NOL4: variants seen among roughly 807,000 people sequenced by gnomAD.
NOL4 encodes cancer/testis antigen 125.
A neutral mutation model predicts 75.9 loss-of-function variants in NOL4; 17 were observed. The ratio of observed to expected loss-of-function variants is 0.22; its 90% CI spans 0.15 to 0.34. The LOEUF is 0.34. Among genes scored for constraint, NOL4 ranks in the 10% least tolerant of loss-of-function variants. The pLI is 1.00. For synonymous variants in NOL4, 292 were observed against 289.9 expected, an observed-to-expected ratio of 1.01 and a Z score of -0.07; for missense variants, 614 against 793.5, an observed-to-expected ratio of 0.77 and a Z score of 2.72.
At chr18:34,161,337 G>A (rs1165803499) in intron 1 of NOL4, among the ~76,000 whole-genome samples, 1 of 151,998 alleles carries the variant, frequency 6.6e-6, no homozygotes, top group Non-Finnish European at 1.5e-5. Context: ...CCCAGTAGTG[G>A]GATTGCCATT....
At chr18:34,221,810 A>G (rs1488237127) in intron 1 of NOL4, among the ~76,000 whole-genome samples, 1 of 152,172 alleles carries the variant, frequency 6.6e-6, no homozygotes, top group African/African-American at 2.4e-5. Flanking sequence ...TCATGCACAT[A>G]TTTTCAATTC....
intron 10 of NOL4, among the ~76,000 whole-genome samples, chr18:33,859,027 T>C (rs1045313552): frequency 2.0e-5 from 3 of 152,060 alleles, no homozygotes; most frequent in Non-Finnish European, 2.9e-5. Flanking sequence ...TCTTTATTCA[T>C]CTTGTCATAT....
intron 10 of NOL4, among the ~76,000 whole-genome samples, chr18:33,859,331 T>C (rs532321729): frequency 6.6e-6 from 1 of 152,212 alleles, no homozygotes; most frequent in Non-Finnish European, 1.5e-5. Flanking sequence ...TATTTGGATG[T>C]TTCCATTTGC....
intron 1 of NOL4, among the ~76,000 whole-genome samples, chr18:34,176,615 T>C (rs1056240057): frequency 2.6e-5 from 4 of 152,044 alleles, no homozygotes; most frequent in African/African-American, 9.7e-5. Context: ...ATCATAAGAA[T>C]GGGCTCTCAT....
intron 9 of NOL4, among the ~76,000 whole-genome samples, chr18:33,901,620 AT>A (rs2065753927): frequency 6.6e-6 from 1 of 152,112 alleles, no homozygotes; most frequent in Non-Finnish European, 1.5e-5. Flanking sequence ...GTTTATAAAA[AT>A]TTTGGAGTGT....
chr18:33,879,506 C>A (rs191155249), intron 10 of NOL4, among the ~76,000 whole-genome samples: 1 of 151,752 alleles, frequency 6.6e-6, no homozygotes, highest in Non-Finnish European at 1.5e-5. Flanking sequence ...AACTTTGTCT[C>A]TGCTAAAAAT....
intron 4 of NOL4, among the ~76,000 whole-genome samples, chr18:34,095,356 G>A (rs2078728399): frequency 1.3e-5 from 2 of 150,718 alleles, no homozygotes; most frequent in South Asian, 4.2e-4. Context: ...TACTAGTGTT[G>A]ATCATATACA....
At chr18:34,180,542 C>T (rs753691905) in intron 1 of NOL4, among the ~76,000 whole-genome samples, 1 of 151,398 alleles carries the variant, frequency 6.6e-6, no homozygotes, top group Non-Finnish European at 1.5e-5. Context: ...AATATCCCCC[C>T]AAGATCAGGA....
chr18:34,129,756 A>C, intron 2 of NOL4, 115 bp downstream of exon 2: 2 of 940,912 alleles, frequency 2.1e-6, no homozygotes, highest in Non-Finnish European at 3.0e-6. Context: ...TGACCATCAT[A>C]TGGCCTAATT....
chr18:34,134,625 C>A (rs1056238354), intron 1 of NOL4, among the ~76,000 whole-genome samples: 12 of 151,798 alleles, frequency 7.9e-5, no homozygotes, highest in Non-Finnish European at 1.2e-4. Flanking sequence ...AAGACTTGAA[C>A]AATACTTAAA....
intron 5 of NOL4, among the ~76,000 whole-genome samples, chr18:34,091,090 C>G (rs1466879642): frequency 6.6e-6 from 1 of 151,728 alleles, no homozygotes; most frequent in Non-Finnish European, 1.5e-5. Context: ...TGACTCATGC[C>G]TGTAATCCCA....
At chr18:33,984,792 A>G (rs2146028877) in intron 6 of NOL4, among the ~76,000 whole-genome samples, 1 of 152,214 alleles carries the variant, frequency 6.6e-6, no homozygotes, top group East Asian at 1.9e-4. Flanking sequence ...AGACTAATAC[A>G]CTGGTCAATT....
intron 6 of NOL4, among the ~76,000 whole-genome samples, chr18:33,995,950 T>C (rs1007264778): frequency 6.6e-6 from 1 of 151,842 alleles, no homozygotes; most frequent in Non-Finnish European, 1.5e-5. Context: ...GAGTATAATG[T>C]TGTTTAAGTC....
At chr18:34,013,263 T>C (rs182562986) in intron 6 of NOL4, among the ~76,000 whole-genome samples, 3 of 152,060 alleles carry the variant, frequency 2.0e-5, no homozygotes, top group East Asian at 1.9e-4. Context: ...ATTCTGTCCA[T>C]TTAATTTTCT....
At chr18:34,206,278 G>A (rs1023548482) in intron 1 of NOL4, among the ~76,000 whole-genome samples, 1 of 152,026 alleles carries the variant, frequency 6.6e-6, no homozygotes, top group Non-Finnish European at 1.5e-5. Context: ...ACCATACAAT[G>A]CTGTATTTTT....
chr18:34,058,381 G>T (rs916601444), intron 5 of NOL4, among the ~76,000 whole-genome samples: 1 of 152,114 alleles, frequency 6.6e-6, no homozygotes, highest in Non-Finnish European at 1.5e-5. Flanking sequence ...TGATCTGCCC[G>T]CCTTGGCCTC....
intron 6 of NOL4, among the ~76,000 whole-genome samples, chr18:34,014,022 C>CAA (rs1007764683): frequency 2.6e-5 from 4 of 151,388 alleles, no homozygotes; most frequent in Non-Finnish European, 5.9e-5. Context: ...ATAACAAAGA[C>CAA]AAAGATAATA....
intron 5 of NOL4, among the ~76,000 whole-genome samples, chr18:34,059,982 G>A (rs895792528): frequency 1.1e-4 from 16 of 152,130 alleles, no homozygotes; most frequent in South Asian, 2.1e-4. Flanking sequence ...CTGACAGTCC[G>A]GGCAAGTCAA....
intron 5 of NOL4, among the ~76,000 whole-genome samples, chr18:34,038,041 A>G (rs1417825876): frequency 6.6e-6 from 1 of 152,100 alleles, no homozygotes; most frequent in Non-Finnish European, 1.5e-5. Flanking sequence ...AAACAACTCA[A>G]CAATAAAAAA....
Sources: allele counts gnomAD v4.1 joint callset (sites outside exome capture counted in the v4.1 genomes callset), GRCh38; gene constraint gnomAD v4.1.1; transcripts MANE v1.5; gene names NCBI Gene and HGNC (gene_info 2026-07-23, HGNC 2026-07-21).